The following TENM3 variants were observed in gnomAD, a reference collection of about 807,000 sequenced individuals.
TENM3 encodes teneurin transmembrane protein 3, also known as teneurin-3.
In TENM3, 63 loss-of-function variants were observed where a neutral mutation model predicts 255.1. The observed-to-expected ratio is 0.25, with a 90% CI of 0.20 to 0.30. TENM3 has a LOEUF of 0.30. Ranked by LOEUF, TENM3 falls within the 10% of genes least tolerant of loss-of-function variation. The pLI is 1.00. For missense variants in TENM3, 2,929 were observed against 3,461.1 expected (o/e 0.85, Z 3.86); for synonymous variants, 1,306 against 1,322.3 (o/e 0.99, Z 0.27).
intron 5 of TENM3, among the ~76,000 whole-genome samples, chr4:182,652,330 G>A (rs749532700): frequency 4.9e-4 from 75 of 152,168 alleles, no homozygotes; most frequent in Non-Finnish European, 1.0e-3. Context: ...AGACAGAAGG[G>A]ACTGTTTATT....
intron 3 of TENM3, among the ~76,000 whole-genome samples, chr4:182,502,910 CTTTTTTTTTTTTTTTT>C (rs10671906): frequency 1.3e-5 from 1 of 77,370 alleles, no homozygotes; most frequent in Non-Finnish European, 2.3e-5. Context: ...TGAAGTCAGC[CTTTTTTTTTTTTTTTT>C]TTTTTTTTTT....
chr4:182,155,832 T>C (rs1374950390), intron 1 of TENM3, among the ~76,000 whole-genome samples: 1 of 152,158 alleles, frequency 6.6e-6, no homozygotes, highest in Admixed American at 6.5e-5. Flanking sequence ...TTATTTCAGA[T>C]TCTTGGAATA....
intron 3 of TENM3, among the ~76,000 whole-genome samples, chr4:182,455,413 A>G (rs2063906): frequency 0.24 from 36,165 of 151,714 alleles, 4,478 homozygotes; most frequent in Non-Finnish European, 0.27. Context: ...GTTGTGTTTT[A>G]TCAGTCCCTT....
the TENM3 span, among the ~76,000 whole-genome samples, chr4:182,088,568 T>A: frequency 0.031 from 4,722 of 152,102 alleles, 130 homozygotes; most frequent in East Asian, 0.1. Flanking sequence ...TTAATTTTTT[T>A]AAAAAAGAGA....
At chr4:181,665,954 A>G in the TENM3 span, among the ~76,000 whole-genome samples, 25 of 152,228 alleles carry the variant, frequency 1.6e-4, no homozygotes, top group East Asian at 4.6e-3. Context: ...ACACCTATAT[A>G]TTGGTCTTCC....
At chr4:182,379,086 G>A (rs1279294803) in intron 3 of TENM3, among the ~76,000 whole-genome samples, 7 of 152,174 alleles carry the variant, frequency 4.6e-5, no homozygotes, top group Admixed American at 6.5e-5. Flanking sequence ...GACTAGAAGC[G>A]TGTTGCAAGG....
chr4:181,594,615 A>G, the TENM3 span, among the ~76,000 whole-genome samples: 1 of 152,102 alleles, frequency 6.6e-6, no homozygotes, highest in African/African-American at 2.4e-5. Context: ...TTTCCCATCT[A>G]TGCTCTATTT....
chr4:182,299,302 G>A (rs938263182), intron 1 of TENM3, among the ~76,000 whole-genome samples: 1 of 151,960 alleles, frequency 6.6e-6, no homozygotes, highest in Non-Finnish European at 1.5e-5. Context: ...TTTTTGATTG[G>A]CCACTTTCTG....
chr4:182,277,713 C>G lies in TENM3; in HGVS notation c.-76+34237C>G, dbSNP rs115994030. Among the ~76,000 whole-genome samples the G allele has an allele frequency of 6.7e-3, 1,023 of 152,310 alleles. 9 individuals are homozygous for G. The highest frequency in any genetic ancestry group is 0.023 in the African/African-American group (967 of 41,574). On this transcript the variant is annotated intron_variant, in intron 1 of 27. Transcript: ENST00000511685. Reference sequence around the variant, plus strand: ...AGTCCCAGTTCTCTACCATATCCAACTACTGAAGGCAAAACTGCTCTTGTT... The same window carrying G: ...AGTCCCAGTTCTCTACCATATCCAAGTACTGAAGGCAAAACTGCTCTTGTT...
the TENM3 span, among the ~76,000 whole-genome samples, chr4:181,813,782 A>C: frequency 6.6e-6 from 1 of 152,198 alleles, no homozygotes; most frequent in Non-Finnish European, 1.5e-5. Flanking sequence ...TATTCCTCTG[A>C]GTCTCATCTT....
chr4:181,796,751 A>T, the TENM3 span, among the ~76,000 whole-genome samples: 1 of 152,190 alleles, frequency 6.6e-6, no homozygotes, highest in East Asian at 1.9e-4. Flanking sequence ...GCAGTTTGGA[A>T]CCCGTCCAGA....
the TENM3 span, among the ~76,000 whole-genome samples, chr4:181,527,266 G>A: frequency 3.3e-5 from 5 of 152,124 alleles, no homozygotes; most frequent in South Asian, 1.0e-3. Context: ...TTTTGTAAAT[G>A]GATTCCCAGT....
chr4:181,973,481 G>A, the TENM3 span, among the ~76,000 whole-genome samples: 1 of 152,234 alleles, frequency 6.6e-6, no homozygotes, highest in Non-Finnish European at 1.5e-5. Flanking sequence ...TCCCAGCTTT[G>A]GGAGATTGAA....
At chr4:182,574,602 G>T (rs1334882774) in intron 3 of TENM3, among the ~76,000 whole-genome samples, 2 of 151,830 alleles carry the variant, frequency 1.3e-5, no homozygotes, top group East Asian at 3.9e-4. Flanking sequence ...GTATTATTTT[G>T]GCCTTTCTGA....
the TENM3 span, among the ~76,000 whole-genome samples, chr4:181,621,950 C>T: frequency 6.6e-6 from 1 of 152,152 alleles, no homozygotes; most frequent in South Asian, 2.1e-4. Context: ...GCCTGTGATA[C>T]CTTCCAAGTT....
chr4:182,771,445 G>C (rs937644623), intron 22 of TENM3, among the ~76,000 whole-genome samples: 7 of 147,678 alleles, frequency 4.7e-5, no homozygotes, highest in African/African-American at 1.7e-4. Context: ...GATAGCGTGA[G>C]AGCCAGATCA....
the TENM3 span, among the ~76,000 whole-genome samples, chr4:181,448,154 A>ATTTTTTTTTTTTTTTTTTT: frequency 1.4e-4 from 13 of 90,064 alleles, no homozygotes; most frequent in African/African-American, 5.8e-4. Context: ...AAATCCAGTA[A>ATTTTTTTTTTTTTTTTTTT]TTTTTTTTTT....
the TENM3 span, chr4:181,906,266 T>A: frequency 5.5e-6 from 1 of 183,300 alleles, no homozygotes; most frequent in Non-Finnish European, 1.1e-5. Flanking sequence ...ACTCCAGTGG[T>A]CTATAGGGGT....
intron 3 of TENM3, among the ~76,000 whole-genome samples, chr4:182,351,117 A>G (rs576463683): frequency 6.6e-6 from 1 of 151,834 alleles, no homozygotes; most frequent in Non-Finnish European, 1.5e-5. Context: ...TCAAAACATC[A>G]GTCTTTAAGC....
Sources: allele counts gnomAD v4.1 joint callset (sites outside exome capture counted in the v4.1 genomes callset), GRCh38; gene constraint gnomAD v4.1.1; transcripts MANE v1.5; gene names NCBI Gene and HGNC (gene_info 2026-07-23, HGNC 2026-07-21).